The following DTNB variants were observed in gnomAD, a reference collection of about 807,000 sequenced individuals.
The protein encoded by DTNB is DTN-B.
DTNB carries 63 observed loss-of-function variants against 90.7 expected under a neutral mutation model. That is an observed-to-expected ratio of 0.69 (90% CI 0.57 to 0.86). The LOEUF is 0.86. DTNB is among the 40% of genes least tolerant of loss of function. DTNB has a pLI of 0.00. For synonymous variants in DTNB, 277 were observed against 286.7 expected, an observed-to-expected ratio of 0.97 and a Z score of 0.34; for missense variants, 744 against 807.1, an observed-to-expected ratio of 0.92 and a Z score of 0.95.
intron 8 of DTNB, among the ~76,000 whole-genome samples, chr2:25,569,495 G>A (rs1222487761): frequency 1.3e-5 from 2 of 152,136 alleles, no homozygotes; most frequent in African/African-American, 2.4e-5. Flanking sequence ...TTTTAGAGAA[G>A]GAAATGAACA....
At chr2:25,601,561 A>G (rs1343552353) in intron 5 of DTNB, among the ~76,000 whole-genome samples, 1 of 152,140 alleles carries the variant, frequency 6.6e-6, no homozygotes, top group Non-Finnish European at 1.5e-5. Flanking sequence ...GGATCTATCC[A>G]TCTATTTCAA....
chr2:25,437,870 T>C (rs2056357607), intron 12 of DTNB, among the ~76,000 whole-genome samples: 1 of 152,004 alleles, frequency 6.6e-6, no homozygotes, highest in Non-Finnish European at 1.5e-5. Flanking sequence ...CCCACCCCCA[T>C]GGAGCTCAGA....
chr2:25,633,407 C>A (rs1348549156), intron 3 of DTNB, among the ~76,000 whole-genome samples: 1 of 152,156 alleles, frequency 6.6e-6, no homozygotes, highest in Non-Finnish European at 1.5e-5. Context: ...CGCGAGTGAT[C>A]CGCCAGCCTC....
intron 9 of DTNB, among the ~76,000 whole-genome samples, chr2:25,525,520 C>T (rs1352967271): frequency 6.6e-5 from 10 of 151,894 alleles, no homozygotes; most frequent in Non-Finnish European, 8.8e-5. Context: ...CCTGTAATCC[C>T]AGCTACTCGG....
chr2:25,612,447 T>C lies in DTNB; in HGVS notation c.363-5126A>G, dbSNP rs114459333. On this transcript the variant is annotated intron_variant, in intron 4 of 20. Coordinates refer to ENST00000406818, the MANE Select transcript of DTNB (RefSeq NM_021907.5). ...GAATGAAATGGTGGGTAATTTCACA[T>C]TGTAAGTATTAAAAATGCTTATACT... is the stretch of plus-strand genomic sequence containing the variant. Among the ~76,000 whole-genome samples, 811 of 152,264 alleles carry C rather than the reference T, an allele frequency of 5.3e-3. 11 individuals carry two copies. The highest frequency in any genetic ancestry group is 0.018 in the African/African-American group (734 of 41,568).
chr2:25,577,860 C>T (rs2060940759), intron 7 of DTNB, among the ~76,000 whole-genome samples: 2 of 152,042 alleles, frequency 1.3e-5, no homozygotes, highest in Admixed American at 6.6e-5. Context: ...ATTAGCTGAG[C>T]GTGGTGGCGC....
At chr2:25,665,498 C>T (rs931273873) in intron 1 of DTNB, among the ~76,000 whole-genome samples, 3 of 151,958 alleles carry the variant, frequency 2.0e-5, no homozygotes, top group Non-Finnish European at 4.4e-5. Context: ...TGGTGACATG[C>T]GCCTATAGTC....
In DTNB at chr2:25,550,194, A is replaced by G. The variant is rs560671206; in HGVS notation, c.877-18597T>C. Among the ~76,000 whole-genome samples the G allele has an allele frequency of 7.2e-5, 11 of 152,248 alleles. No homozygotes were observed. The South Asian group carries it at 1.4e-3, about 20-fold the overall frequency. On this transcript the variant is annotated intron_variant, in intron 8 of 20. Coordinates refer to ENST00000406818, the MANE Select transcript of DTNB (RefSeq NM_021907.5). ...ATCACGAGGTCAGGAGATCGAGACCATCCTGGCTAACACGGTGAAACCCCG... is the reference window on the plus strand; with the variant it reads ...ATCACGAGGTCAGGAGATCGAGACCGTCCTGGCTAACACGGTGAAACCCCG...
intron 9 of DTNB, among the ~76,000 whole-genome samples, chr2:25,529,922 C>T (rs914027117): frequency 2.0e-5 from 3 of 152,004 alleles, no homozygotes; most frequent in Non-Finnish European, 2.9e-5. Context: ...AGATGGCAGA[C>T]GTTAGGAGGC....
At chr2:25,413,136 T>G (rs1418284212) in intron 16 of DTNB, among the ~76,000 whole-genome samples, 1 of 152,200 alleles carries the variant, frequency 6.6e-6, no homozygotes, top group Admixed American at 6.5e-5. Context: ...TTTCTTTAGC[T>G]AGAAATAACA....
chr2:25,527,606 A>C (rs2077413684), intron 9 of DTNB, among the ~76,000 whole-genome samples: 1 of 152,246 alleles, frequency 6.6e-6, no homozygotes, highest in Non-Finnish European at 1.5e-5. Flanking sequence ...TGGACTTACA[A>C]AGACAATAAA....
chr2:25,398,517 T>A (rs928607681), intron 16 of DTNB, among the ~76,000 whole-genome samples: 2 of 152,164 alleles, frequency 1.3e-5, no homozygotes, highest in Non-Finnish European at 2.9e-5. Flanking sequence ...CTCACCAATA[T>A]GCATGGGCTT....
At chr2:25,633,702 C>A (rs1048531871) in intron 3 of DTNB, among the ~76,000 whole-genome samples, 112 of 151,748 alleles carry the variant, frequency 7.4e-4, no homozygotes, top group African/African-American at 2.5e-3. Flanking sequence ...CGGCCGCTAT[C>A]CCATCTAGGA....
chr2:25,568,318 A>G (rs575806371), intron 8 of DTNB, among the ~76,000 whole-genome samples: 1 of 152,322 alleles, frequency 6.6e-6, no homozygotes, highest in African/African-American at 2.4e-5. Flanking sequence ...GGTAAATGTT[A>G]TATTACATAT....
At chr2:25,522,681 A>T (rs906726513) in intron 9 of DTNB, among the ~76,000 whole-genome samples, 1 of 151,154 alleles carries the variant, frequency 6.6e-6, no homozygotes, top group African/African-American at 2.4e-5. Context: ...ACACCATTTT[A>T]CAGAAAGGCA....
intron 10 of DTNB, among the ~76,000 whole-genome samples, chr2:25,471,905 C>T (rs1188070110): frequency 6.6e-6 from 1 of 151,662 alleles, no homozygotes; most frequent in Non-Finnish European, 1.5e-5. Flanking sequence ...ACTAGTTAGT[C>T]ATGTGAAACG....
At chr2:25,652,696 T>A in intron 1 of DTNB, 35 bp from the exon 2 acceptor site, 1 of 1,594,888 alleles carries the variant, frequency 6.3e-7, no homozygotes, top group Non-Finnish European at 8.5e-7. Context: ...AACCACTGTA[T>A]AATTCGACAA....
At chr2:25,379,880 G>C in intron 19 of DTNB, 1 of 152,884 alleles carries the variant, frequency 6.5e-6, no homozygotes, top group East Asian at 1.9e-4. Context: ...GACTGTGAAG[G>C]ACACAGGAGC....
chr2:25,462,531 A>G (rs1162522766), intron 10 of DTNB, among the ~76,000 whole-genome samples: 8 of 152,194 alleles, frequency 5.3e-5, no homozygotes, highest in Admixed American at 5.2e-4. Context: ...CATCTGTAAA[A>G]TAATAATAAT....
Sources: allele counts gnomAD v4.1 joint callset (sites outside exome capture counted in the v4.1 genomes callset), GRCh38; gene constraint gnomAD v4.1.1; transcripts MANE v1.5; gene names NCBI Gene and HGNC (gene_info 2026-07-23, HGNC 2026-07-21).